BANP: variants seen among roughly 807,000 people sequenced by gnomAD.
The protein encoded by BANP is protein BANP.
Under a neutral mutation model 68.1 loss-of-function variants are expected in BANP, and 11 were observed. The observed-to-expected ratio is 0.16, with a 90% CI of 0.10 to 0.27. BANP has a LOEUF of 0.27. Among genes scored for constraint, BANP ranks in the 10% least tolerant of loss-of-function variants. The pLI is 1.00. For synonymous variants in BANP, 329 were observed against 303.2 expected, an observed-to-expected ratio of 1.09 and a Z score of -0.88; for missense variants, 504 against 722.7, an observed-to-expected ratio of 0.70 and a Z score of 3.47.
intron 11 of BANP, among the ~76,000 whole-genome samples, chr16:88,046,986 G>A (rs2082167694): frequency 6.6e-6 from 1 of 151,828 alleles, no homozygotes. Flanking sequence ...GAATGGTGTG[G>A]ACCCGGGAGG....
chr16:88,069,759 A>G (rs1281665446), intron 12 of BANP, among the ~76,000 whole-genome samples: 3 of 152,240 alleles, frequency 2.0e-5, no homozygotes, highest in Non-Finnish European at 4.4e-5. Flanking sequence ...TCCGTCACCA[A>G]AAAACGAACG....
rs143027781 is a variant in BANP at position 88,012,989 on chromosome 16, A to G, written c.656-5439A>G. On this transcript the variant is annotated intron_variant, in intron 6 of 13. Transcript: ENST00000682872. ...ATATAAAAAGTTGAGTAATACAGCA[A>G]ATTATATCAGGAAGCAGATATGAGA... Among the ~76,000 whole-genome samples, 453 of 152,258 alleles carry G rather than the reference A, an allele frequency of 3.0e-3. 1 individual carries two copies. Among genetic ancestry groups the G allele is most frequent in the African/African-American group, 0.01 (424 of 41,482 alleles).
intron 4 of BANP, among the ~76,000 whole-genome samples, chr16:87,990,697 T>G (rs559377946): frequency 4.1e-4 from 62 of 152,376 alleles, no homozygotes; most frequent in African/African-American, 1.3e-3. Flanking sequence ...TCGTTTAATT[T>G]CGTGTACATG....
intron 11 of BANP, among the ~76,000 whole-genome samples, chr16:88,045,015 C>T (rs1005878955): frequency 1.2e-4 from 18 of 152,162 alleles, no homozygotes; most frequent in Non-Finnish European, 2.1e-4. Flanking sequence ...ATAAAGTTTA[C>T]ACTGCAAATA....
chr16:87,960,518 A>G (rs1367851671), intron 1 of BANP, among the ~76,000 whole-genome samples: 1 of 152,206 alleles, frequency 6.6e-6, no homozygotes, highest in Admixed American at 6.5e-5. Context: ...TTTGAGATGT[A>G]TACATATGTG....
intron 12 of BANP, among the ~76,000 whole-genome samples, chr16:88,068,764 C>T (rs1027061777): frequency 7.9e-5 from 12 of 152,162 alleles, no homozygotes; most frequent in Admixed American, 3.9e-4. Flanking sequence ...CAGCCTTGCC[C>T]GGTCTGTTCC....
chr16:88,074,230 G>GT (rs1261555577), intron 13 of BANP, among the ~76,000 whole-genome samples: 1 of 152,186 alleles, frequency 6.6e-6, no homozygotes, highest in Non-Finnish European at 1.5e-5. Context: ...AGTCATGCTT[G>GT]GGAATGGTCT....
chr16:87,978,528 T>C, intron 2 of BANP: 1 of 447,868 alleles, frequency 2.2e-6, no homozygotes, highest in South Asian at 1.6e-5. Context: ...CTTGTAGGCA[T>C]GGAGTTTTAA....
chr16:88,047,045 G>C (rs1366834180), intron 11 of BANP, among the ~76,000 whole-genome samples: 1 of 151,014 alleles, frequency 6.6e-6, no homozygotes, highest in African/African-American at 2.5e-5. Flanking sequence ...CAGCCTGGGC[G>C]ACATAGCGAG....
rs148330060 is a variant in BANP, at chr16:88,018,049, C to A, written c.656-379C>A. Among the ~76,000 whole-genome samples the A allele has an allele frequency of 5.9e-3, 894 of 152,138 alleles. 8 individuals carry two copies. Among genetic ancestry groups the A allele is most frequent in the Middle Eastern group, 0.027 (8 of 294 alleles). On this transcript the variant is annotated intron_variant, in intron 6 of 13. Transcript: ENST00000682872. The surrounding 1 kb of genome is among the most constrained non-coding windows in gnomAD (Gnocchi z 7.7). ...ATGGCTGGCAGTGAGGTGTGAGGGACCCCGGGGAGGGTTCCGCTCTGCAGG... is the reference window on the plus strand; with the variant it reads ...ATGGCTGGCAGTGAGGTGTGAGGGAACCCGGGGAGGGTTCCGCTCTGCAGG...
chr16:88,025,901 G>A (rs1055705236), intron 7 of BANP, among the ~76,000 whole-genome samples: 9 of 152,156 alleles, frequency 5.9e-5, no homozygotes, highest in African/African-American at 1.9e-4. Context: ...CTGTAAATTA[G>A]TGAAGTTGCA....
intron 1 of BANP, among the ~76,000 whole-genome samples, chr16:87,962,662 C>T (rs2059396690): frequency 6.6e-6 from 1 of 152,188 alleles, no homozygotes; most frequent in African/African-American, 2.4e-5. Context: ...CTTTCCCCCG[C>T]AAGCACACAT....
rs1470723571 is a variant in BANP at position 88,002,800 on chromosome 16, A to G, written c.363-1495A>G. Among the ~76,000 whole-genome samples, 1 of 152,206 alleles carries G rather than the reference A, an allele frequency of 6.6e-6. No individual in the cohort carries two copies. Among genetic ancestry groups the G allele is most frequent in the Non-Finnish European group, 1.5e-5 (1 of 68,030 alleles). ...TTACTCTATTAAAATTTCTTCTCAG[A>G]CTGTCAGTGTGCCAGTGGCCACTGT... is the stretch of plus-strand genomic sequence containing the variant. On this transcript the variant is annotated intron_variant, in intron 4 of 13. Coordinates refer to ENST00000682872, the MANE Select transcript of BANP (RefSeq NM_001386991.1). This position sits in a 1 kb window ranked among gnomAD's most constrained non-coding sequence, Gnocchi z 4.6.
At chr16:88,006,947 C>CAAA (rs11349895) in intron 6 of BANP, among the ~76,000 whole-genome samples, 25 of 81,654 alleles carry the variant, frequency 3.1e-4, no homozygotes, top group Admixed American at 4.0e-4. Context: ...GACTCTGTCT[C>CAAA]AAAAAAAAAA....
chr16:88,072,929 C>T (rs544462488), intron 13 of BANP, among the ~76,000 whole-genome samples: 39 of 152,364 alleles, frequency 2.6e-4, no homozygotes, highest in African/African-American at 8.9e-4. Flanking sequence ...TTGGCTGCTG[C>T]CCAGCCCTTC....
At chr16:88,053,613 T>C (rs1355780268) in intron 11 of BANP, among the ~76,000 whole-genome samples, 4 of 121,550 alleles carry the variant, frequency 3.3e-5, no homozygotes, top group East Asian at 2.8e-4. Context: ...CCCTAACGAC[T>C]ACCACCCCCA....
intron 11 of BANP, among the ~76,000 whole-genome samples, chr16:88,043,157 T>A (rs1460969771): frequency 1.3e-5 from 2 of 152,140 alleles, no homozygotes; most frequent in African/African-American, 4.8e-5. Context: ...CGCCGCATCC[T>A]CATCATGCAC....
intron 11 of BANP, among the ~76,000 whole-genome samples, chr16:88,063,217 T>A (rs1274317912): frequency 1.3e-5 from 2 of 152,260 alleles, no homozygotes; most frequent in African/African-American, 2.4e-5. Flanking sequence ...TTGTGGTATC[T>A]GCTGACCCCG....
At chr16:88,011,639 T>C (rs1319398951) in intron 6 of BANP, among the ~76,000 whole-genome samples, 1 of 152,192 alleles carries the variant, frequency 6.6e-6, no homozygotes, top group African/African-American at 2.4e-5. Flanking sequence ...GTCTCTGTAA[T>C]GTGTAGCTTG....
Sources: gnomAD v4.1 joint callset for allele counts (sites outside exome capture counted in the v4.1 genomes callset) on GRCh38, gnomAD v4.1.1 for gene constraint, Gnocchi (gnomAD v3.1) non-coding constraint, MANE v1.5 for transcripts, NCBI Gene and HGNC (gene_info 2026-07-23, HGNC 2026-07-21) for gene names.